Variants in MAP3K13 observed in about 807,000 individuals in gnomAD.
MAP3K13 encodes the protein leucine zipper-bearing kinase.
MAP3K13 carries 52 observed loss-of-function variants against 104.0 expected under a neutral mutation model. That is an observed-to-expected ratio of 0.50 (90% CI 0.40 to 0.63). The LOEUF (loss-of-function observed/expected upper bound fraction) is 0.63. Ranked by LOEUF, MAP3K13 falls within the 20% of genes least tolerant of loss-of-function variation. MAP3K13 has a pLI of 0.00. For synonymous variants in MAP3K13, 394 were observed against 442.2 expected, an observed-to-expected ratio of 0.89 and a Z score of 1.37; for missense variants, 914 against 1,218.5, an observed-to-expected ratio of 0.75 and a Z score of 3.72.
At chr3:185,475,834 G>C (rs1381840122) in intron 11 of MAP3K13, among the ~76,000 whole-genome samples, 2 of 152,210 alleles carry the variant, frequency 1.3e-5, no homozygotes, top group Non-Finnish European at 2.9e-5. Flanking sequence ...CTGGGCAACA[G>C]AGCAAGACTC....
intron 2 of MAP3K13, among the ~76,000 whole-genome samples, chr3:185,297,133 T>C (rs1210956534): frequency 6.6e-6 from 1 of 152,126 alleles, no homozygotes; most frequent in African/African-American, 2.4e-5. Flanking sequence ...GTGCAGTTAC[T>C]CTTCTAAAAA....
At chr3:185,433,953 A>T (rs1295365815) in intron 2 of MAP3K13, among the ~76,000 whole-genome samples, 2 of 143,128 alleles carry the variant, frequency 1.4e-5, no homozygotes, top group Non-Finnish European at 3.1e-5. Flanking sequence ...TAAACAAATT[A>T]TTTGGGAATC....
chr3:185,395,357 C>CTTTCTTTTTTTTTTTTTTTTTTT (rs1553798321), intron 1 of MAP3K13, among the ~76,000 whole-genome samples: 5 of 69,978 alleles, frequency 7.1e-5, no homozygotes, highest in East Asian at 5.3e-4. Flanking sequence ...AATATTATTT[C>CTTTCTTTTTTTTTTTTTTTTTTT]TTTTTTTTTT....
intron 2 of MAP3K13, among the ~76,000 whole-genome samples, chr3:185,309,512 C>CAAAAAAAAAAA (rs66889332): frequency 2.8e-5 from 3 of 105,762 alleles, no homozygotes; most frequent in African/African-American, 6.9e-5. Flanking sequence ...CCTTGTCTCA[C>CAAAAAAAAAAA]AAAAAAAAAA....
chr3:185,436,892 T>C (rs1158812273), intron 2 of MAP3K13, among the ~76,000 whole-genome samples: 4 of 149,038 alleles, frequency 2.7e-5, no homozygotes, highest in African/African-American at 5.0e-5. Flanking sequence ...TCCCAGCTAC[T>C]TGGGAGGCTG....
At chr3:185,308,138 T>C (rs1214325478) in intron 2 of MAP3K13, among the ~76,000 whole-genome samples, 1 of 151,824 alleles carries the variant, frequency 6.6e-6, no homozygotes, top group African/African-American at 2.4e-5. Flanking sequence ...CCCAGTCTTC[T>C]GGACTGGCTT....
chr3:185,328,321 C>CTTTTTGT (rs1197059918), intron 2 of MAP3K13, among the ~76,000 whole-genome samples: 2 of 152,104 alleles, frequency 1.3e-5, no homozygotes, highest in African/African-American at 2.4e-5. Context: ...GGAAAGTTGT[C>CTTTTTGT]TTTTTGTTTT....
intron 1 of MAP3K13, among the ~76,000 whole-genome samples, chr3:185,419,396 C>T (rs562706652): frequency 6.6e-6 from 1 of 152,314 alleles, no homozygotes; most frequent in East Asian, 1.9e-4. Context: ...TTTTTCATAT[C>T]TGAAAATATA....
At chr3:185,312,095 G>A (rs1361439488) in intron 2 of MAP3K13, among the ~76,000 whole-genome samples, 1 of 152,236 alleles carries the variant, frequency 6.6e-6, no homozygotes, top group Non-Finnish European at 1.5e-5. Context: ...TGGGGAAACA[G>A]TGGGATTTTT....
rs957493039 is a variant in MAP3K13, at chr3:185,331,627, C to T, written c.-86+45984C>T. 2.6e-5 allele frequency among the ~76,000 whole-genome samples: 4 copies of T among 152,040 alleles called. No individual in the cohort carries two copies. In the South Asian group the frequency reaches 6.2e-4, roughly 24 times the overall value. ...GACATGTAGTAGACACTTGGTAAAT[C>T]GTTGTATGACAACTGGTGTCATTAA... On this transcript the variant is annotated intron_variant, in intron 2 of 14. Coordinates refer to the MAP3K13 transcript ENST00000424227.
At chr3:185,387,291 C>G (rs1259779487) in intron 1 of MAP3K13, among the ~76,000 whole-genome samples, 1 of 152,090 alleles carries the variant, frequency 6.6e-6, no homozygotes, top group Non-Finnish European at 1.5e-5. Flanking sequence ...TCAGTGAGTT[C>G]TCACTCTATT....
rs372763568 is a variant in MAP3K13 at position 185,480,420 on chromosome 3, T to A, written c.2690T>A (p.Ile897Asn). The A allele has an allele frequency of 5.6e-6, 9 of 1,614,076 alleles. No homozygotes were observed. The highest frequency in any genetic ancestry group is 7.6e-6 in the Non-Finnish European group (9 of 1,180,038). ...DLLSQTPEIP[I>N]DISSHSDGLS... is the part of the protein sequence containing the mutation. Reference sequence around the variant, plus strand: ...CTGTCCCAGACGCCAGAGATTCCCATTGACATATCCTCACACTCGGATGGG... The same window carrying A: ...CTGTCCCAGACGCCAGAGATTCCCAATGACATATCCTCACACTCGGATGGG... Residue 897 changes from isoleucine (I) to asparagine (N), a missense_variant, in exon 13 of 14, where the codon ATT becomes AAT. Ile to Asn is a moderately radical substitution (Grantham distance 149, BLOSUM62 -3). Coordinates refer to ENST00000265026, the MANE Select transcript of MAP3K13 (RefSeq NM_004721.5).
In MAP3K13 at chr3:185,428,181, A is replaced by T. The variant is rs2108801594; in HGVS notation, c.-85-316A>T. Among the ~76,000 whole-genome samples, 2 of 151,872 alleles carry T rather than the reference A, an allele frequency of 1.3e-5. 1 individual carries two copies. The highest frequency in any genetic ancestry group is 3.9e-4 in the East Asian group (2 of 5,172). Reference sequence around the variant, plus strand: ...CCCCAAATCTAACCACCTAAAATTAACTGTTGTTAGTTCCTTGGATTTTTT... The same window carrying T: ...CCCCAAATCTAACCACCTAAAATTATCTGTTGTTAGTTCCTTGGATTTTTT... On this transcript the variant is annotated intron_variant, in intron 1 of 13. Transcript: ENST00000265026.
At position 185,428,959 on chromosome 3, in the gene MAP3K13, C is replaced by G; in HGVS notation, c.378C>G (p.Gly126=). Residue 126 remains glycine, a synonymous_variant, in exon 2 of 14, where the codon GGC becomes GGG. Coordinates refer to ENST00000265026, the MANE Select transcript of MAP3K13 (RefSeq NM_004721.5). ...TTCAGTTCAGCAGGTCAGGCAGTGGCAGTGGTGGGTTTCTTGAAGGACTAT... is the reference window on the plus strand; with the variant it reads ...TTCAGTTCAGCAGGTCAGGCAGTGGGAGTGGTGGGTTTCTTGAAGGACTAT... ...IKIQFSRSGS[G]SGGFLEGLFG... is the part of the protein sequence containing the mutation. 6.2e-7 allele frequency: 1 copy of G among 1,614,116 alleles called. No homozygotes were observed. The highest frequency in any genetic ancestry group is 8.5e-7 in the Non-Finnish European group (1 of 1,180,028).
At chr3:185,324,977 C>A (rs940999071) in intron 2 of MAP3K13, among the ~76,000 whole-genome samples, 5 of 152,176 alleles carry the variant, frequency 3.3e-5, no homozygotes, top group African/African-American at 1.2e-4. Context: ...TGTAGCTGAT[C>A]AAACATGTGC....
chr3:185,477,659 G>C (rs1560135742), intron 12 of MAP3K13, among the ~76,000 whole-genome samples: 2 of 152,250 alleles, frequency 1.3e-5, no homozygotes, highest in Admixed American at 1.3e-4. Context: ...TGAGAATACA[G>C]TGGGCAGTTT....
intron 2 of MAP3K13, among the ~76,000 whole-genome samples, chr3:185,352,264 G>A (rs1012503662): frequency 6.6e-6 from 1 of 152,146 alleles, no homozygotes; most frequent in African/African-American, 2.4e-5. Flanking sequence ...GACCAACATG[G>A]AGAAACCCCA....
intron 2 of MAP3K13, among the ~76,000 whole-genome samples, chr3:185,333,042 T>A (rs1410379686): frequency 2.6e-5 from 4 of 152,246 alleles, no homozygotes; most frequent in Non-Finnish European, 5.9e-5. Flanking sequence ...GGGTTGAGCA[T>A]CTTTTCATAT....
chr3:185,446,050 C>T (rs549033989), intron 4 of MAP3K13, among the ~76,000 whole-genome samples: 4 of 152,222 alleles, frequency 2.6e-5, no homozygotes, highest in Admixed American at 6.5e-5. Flanking sequence ...TTACATATTA[C>T]GTGCAAAACC....
Sources: allele counts gnomAD v4.1 joint callset (sites outside exome capture counted in the v4.1 genomes callset), GRCh38; gene constraint gnomAD v4.1.1; transcripts MANE v1.5; gene names NCBI Gene and HGNC (gene_info 2026-07-23, HGNC 2026-07-21).